The following FHIP1A variants were observed in gnomAD, a reference collection of about 807,000 sequenced individuals.
FHIP1A encodes FHF complex subunit HOOK interacting protein 1A, also known as FHF complex subunit HOOK-interacting protein 1A.
Under a neutral mutation model 88.6 loss-of-function variants are expected in FHIP1A, and 61 were observed. The ratio of observed to expected loss-of-function variants is 0.69; its 90% CI spans 0.56 to 0.85. The LOEUF is 0.85. FHIP1A is among the 40% of genes least tolerant of loss of function. The pLI, the probability that FHIP1A is intolerant of heterozygous loss-of-function variation, is 0.00. For synonymous variants in FHIP1A, 478 were observed against 496.0 expected, an observed-to-expected ratio of 0.96 and a Z score of 0.48; for missense variants, 1,154 against 1,273.5, an observed-to-expected ratio of 0.91 and a Z score of 1.43.
chr4:151,521,852 G>A (rs183790576), intron 3 of FHIP1A, among the ~76,000 whole-genome samples: 1 of 152,210 alleles, frequency 6.6e-6, no homozygotes. Flanking sequence ...ACCCTCCCAA[G>A]TAGCTGGGAC....
chr4:151,532,615 G>C (rs372883985), intron 3 of FHIP1A, among the ~76,000 whole-genome samples: 1 of 152,168 alleles, frequency 6.6e-6, no homozygotes, highest in Admixed American at 6.5e-5. Flanking sequence ...GGAACTTGGT[G>C]GGGGGTGCTT....
rs557564335 is a variant in FHIP1A at position 151,462,158 on chromosome 4, C to T, written c.-248+7350C>T. On this transcript the variant is annotated intron_variant, in intron 2 of 13. Coordinates refer to ENST00000435205, the MANE Select transcript of FHIP1A (RefSeq NM_001109977.3). ...CCTGGGCAACAGAGTGAGACCCTGTCTCTAAAAAATAAAGTAAAATAAATG... is the reference window on the plus strand; with the variant it reads ...CCTGGGCAACAGAGTGAGACCCTGTTTCTAAAAAATAAAGTAAAATAAATG... Among the ~76,000 whole-genome samples the T allele has an allele frequency of 3.2e-3, 488 of 152,168 alleles. 2 individuals carry two copies. Among genetic ancestry groups the T allele is most frequent in the Non-Finnish European group, 4.4e-3 (302 of 67,992 alleles).
chr4:151,421,187 A>G (rs932989612), intron 1 of FHIP1A, among the ~76,000 whole-genome samples: 4 of 152,226 alleles, frequency 2.6e-5, no homozygotes, highest in Admixed American at 2.6e-4. Context: ...ATTTTGAACA[A>G]TGGTGAAGGA....
intron 7 of FHIP1A, among the ~76,000 whole-genome samples, chr4:151,597,670 A>G (rs1418797384): frequency 6.6e-6 from 1 of 151,990 alleles, no homozygotes; most frequent in African/African-American, 2.4e-5. Flanking sequence ...GGGAGATGGG[A>G]GTTTTATCTC....
intron 1 of FHIP1A, among the ~76,000 whole-genome samples, chr4:151,422,181 A>G (rs1294621542): frequency 1.3e-5 from 2 of 151,860 alleles, no homozygotes; most frequent in East Asian, 3.9e-4. Context: ...AGAAAAAAAA[A>G]GAAGCAGTTG....
At chr4:151,496,177 A>G (rs1219166446) in intron 3 of FHIP1A, among the ~76,000 whole-genome samples, 1 of 151,258 alleles carries the variant, frequency 6.6e-6, no homozygotes, top group Non-Finnish European at 1.5e-5. Context: ...CCTCCTTTTT[A>G]TTCTAGTAAT....
chr4:151,604,817 C>G (rs1735010621), intron 7 of FHIP1A, among the ~76,000 whole-genome samples: 12 of 151,386 alleles, frequency 7.9e-5, no homozygotes, highest in Admixed American at 7.9e-4. Flanking sequence ...CCACTGTACT[C>G]CAGCCTGGGT....
intron 3 of FHIP1A, among the ~76,000 whole-genome samples, chr4:151,532,685 G>C (rs1357095804): frequency 6.6e-6 from 1 of 152,170 alleles, no homozygotes; most frequent in Admixed American, 6.5e-5. Context: ...AGGAGAAACA[G>C]ATAATAGGAG....
chr4:151,614,162 C>CAAAAAAAAAAAAAAAAAA (rs111483557), intron 7 of FHIP1A, among the ~76,000 whole-genome samples: 1 of 122,560 alleles, frequency 8.2e-6, no homozygotes. Context: ...GACTCCATCT[C>CAAAAAAAAAAAAAAAAAA]AAAAAAAAAA....
Position 151,669,044 on chromosome 4 carries a change from C to T in FHIP1A, c.*6290C>T, listed in dbSNP as rs538373079. Among the ~76,000 whole-genome samples the T allele has an allele frequency of 2.0e-4, 31 of 152,358 alleles. No homozygotes were observed. In the East Asian group the frequency reaches 2.9e-3, roughly 14 times the overall value. On this transcript the variant is annotated 3_prime_UTR_variant, in exon 14 of 14. Coordinates refer to ENST00000435205, the MANE Select transcript of FHIP1A (RefSeq NM_001109977.3). ...GGGTGAACCAGTAGACCAGACTAAA[C>T]GCACACTCATGCAAGAATGTAAAAT...
In FHIP1A at chr4:151,411,343, A is replaced by ATTCTTTTTTTTTTTTTTTTTTTT. The variant is rs370374898; in HGVS notation, c.-356+1879_-356+1880insTCTTTTTTTTTTTTTTTTTTTTT. ...AATTGCCTCTGAGGAGTGAAATTATATATATATTTTTTTTTTTTTAAAGTT... is the reference window on the plus strand; with the variant it reads ...AATTGCCTCTGAGGAGTGAAATTATATTCTTTTTTTTTTTTTTTTTTTTTATATATTTTTTTTTTTTTAAAGTT... On this transcript the variant is annotated intron_variant, in intron 1 of 13. Transcript: ENST00000435205. 3.6e-5 allele frequency among the ~76,000 whole-genome samples: 4 copies of ATTCTTTTTTTTTTTTTTTTTTTT among 112,180 alleles called. 1 individual carries two copies. The highest frequency in any genetic ancestry group is 5.3e-5 in the Non-Finnish European group (3 of 56,658). 73.6% of individuals were successfully genotyped at this position (112,180 alleles called of 152,430 possible).
intron 3 of FHIP1A, among the ~76,000 whole-genome samples, chr4:151,547,544 C>T (rs759480305): frequency 6.6e-6 from 1 of 152,198 alleles, no homozygotes; most frequent in Non-Finnish European, 1.5e-5. Flanking sequence ...CCCCAAAGCT[C>T]TTGGATTCTG....
At chr4:151,498,879 C>T (rs758830329) in intron 3 of FHIP1A, among the ~76,000 whole-genome samples, 1 of 152,170 alleles carries the variant, frequency 6.6e-6, no homozygotes, top group Non-Finnish European at 1.5e-5. Flanking sequence ...CATCATCAAC[C>T]TCCCTTCCTC....
intron 13 of FHIP1A, among the ~76,000 whole-genome samples, chr4:151,661,613 G>A (rs1560828791): frequency 6.6e-6 from 1 of 152,080 alleles, no homozygotes; most frequent in Non-Finnish European, 1.5e-5. Flanking sequence ...TGGGTAGGGG[G>A]CAGAGGAAGA....
chr4:151,437,822 A>G (rs1340983410), intron 1 of FHIP1A, among the ~76,000 whole-genome samples: 1 of 152,240 alleles, frequency 6.6e-6, no homozygotes, highest in Non-Finnish European at 1.5e-5. Context: ...AGGCACATCA[A>G]CTTTAGACAT....
chr4:151,615,516 G>A (rs1186766185), intron 7 of FHIP1A, among the ~76,000 whole-genome samples: 1 of 152,146 alleles, frequency 6.6e-6, no homozygotes, highest in Non-Finnish European at 1.5e-5. Flanking sequence ...TATTAATAGT[G>A]GTAGTAATTG....
chr4:151,661,098 G>A (rs1008939742), intron 13 of FHIP1A, among the ~76,000 whole-genome samples: 1 of 152,136 alleles, frequency 6.6e-6, no homozygotes, highest in Admixed American at 6.5e-5. Context: ...TGCAGGTCTC[G>A]GTCTGGGAGT....
At chr4:151,488,533 G>T (rs190875555) in intron 3 of FHIP1A, among the ~76,000 whole-genome samples, 2 of 152,284 alleles carry the variant, frequency 1.3e-5, no homozygotes, top group East Asian at 3.9e-4. Context: ...TCTGTATCCA[G>T]TCCACTGTTG....
chr4:151,631,858 A>C (rs140396841), intron 8 of FHIP1A, among the ~76,000 whole-genome samples: 1 of 152,296 alleles, frequency 6.6e-6, no homozygotes, highest in African/African-American at 2.4e-5. Context: ...ATTACTTCTT[A>C]TGTTCTGTCT....
Sources: allele counts gnomAD v4.1 joint callset (sites outside exome capture counted in the v4.1 genomes callset), GRCh38; gene constraint gnomAD v4.1.1; transcripts MANE v1.5; gene names NCBI Gene and HGNC (gene_info 2026-07-23, HGNC 2026-07-21).